NRG3: variants seen among roughly 807,000 people sequenced by gnomAD.
NRG3 encodes neuregulin 3.
A neutral mutation model predicts 66.9 loss-of-function variants in NRG3; 31 were observed. That is an observed-to-expected ratio of 0.46 (90% CI 0.35 to 0.63). NRG3 has a LOEUF of 0.63. Ranked by LOEUF, NRG3 falls within the 20% of genes least tolerant of loss-of-function variation. The probability of loss-of-function intolerance (pLI) is 0.00; values close to 1 mark genes in which losing one functional copy is unlikely to be tolerated. For missense variants in NRG3, 910 were observed against 878.9 expected (o/e 1.04, Z -0.45); for synonymous variants, 393 against 359.4 (o/e 1.09, Z -1.06).
intron 1 of NRG3, among the ~76,000 whole-genome samples, chr10:82,234,443 G>C (rs565691342): frequency 6.6e-6 from 1 of 152,210 alleles, no homozygotes; most frequent in East Asian, 1.9e-4. Context: ...CTTATTTTGT[G>C]TTTTGTCATC....
Position 82,972,525 on chromosome 10 carries a change from T to C in NRG3, c.1285-1263T>C, listed in dbSNP as rs139268493. Among the ~76,000 whole-genome samples the C allele has an allele frequency of 2.0e-5, 3 of 152,304 alleles. No homozygotes were observed. The East Asian group carries it at 5.8e-4, about 29-fold the overall frequency. The stretch of plus-strand genomic sequence containing the variant: ...TTAGAACTATTTCTTTCTCCATTTC[T>C]TACTTCATAAGTCATCTTTAGAATC... On this transcript the variant is annotated intron_variant, in intron 6 of 8. Transcript: ENST00000372141.
At chr10:82,206,340 G>T (rs2075114256) in intron 1 of NRG3, among the ~76,000 whole-genome samples, 1 of 152,116 alleles carries the variant, frequency 6.6e-6, no homozygotes, top group Non-Finnish European at 1.5e-5. Flanking sequence ...CGTTCTCATT[G>T]GTTTAATAGC....
intron 3 of NRG3, among the ~76,000 whole-genome samples, chr10:82,818,374 G>A (rs1458803644): frequency 1.3e-5 from 2 of 152,150 alleles, no homozygotes; most frequent in Non-Finnish European, 2.9e-5. Flanking sequence ...GTGGAAGAGG[G>A]CAACTAACTT....
At chr10:82,841,839 A>G (rs1344935813) in intron 3 of NRG3, among the ~76,000 whole-genome samples, 1 of 152,214 alleles carries the variant, frequency 6.6e-6, no homozygotes, top group Non-Finnish European at 1.5e-5. Flanking sequence ...AAAGTAAATC[A>G]ACATTTTTGC....
chr10:82,863,633 G>A (rs528886707), intron 3 of NRG3, among the ~76,000 whole-genome samples: 4 of 152,106 alleles, frequency 2.6e-5, no homozygotes, highest in Admixed American at 2.0e-4. Flanking sequence ...TTTTTCATAT[G>A]TTTTTTGGTG....
chr10:81,956,849 G>C (rs1411216727), intron 1 of NRG3, among the ~76,000 whole-genome samples: 1 of 152,006 alleles, frequency 6.6e-6, no homozygotes, highest in Non-Finnish European at 1.5e-5. Context: ...TGTGCTACCT[G>C]GTGTCTTTTT....
At chr10:82,326,781 T>C in intron 1 of NRG3, among the ~76,000 whole-genome samples, 1 of 152,198 alleles carries the variant, frequency 6.6e-6, no homozygotes, top group East Asian at 1.9e-4. Context: ...AAAGTCTTAG[T>C]CCATGATACT....
intron 2 of NRG3, among the ~76,000 whole-genome samples, chr10:82,508,508 A>G (rs984132854): frequency 4.6e-5 from 7 of 152,186 alleles, no homozygotes; most frequent in African/African-American, 1.7e-4. Context: ...TCAATATCCA[A>G]AATAATAACT....
In NRG3 at chr10:82,292,050, G is replaced by C. The variant is rs561080330; in HGVS notation, c.824-66689G>C. ...ATGAAAAAACAAAGTAAAGACTGGG[G>C]GAAAATATTTGCAAACCACATATCT... On this transcript the variant is annotated intron_variant, in intron 1 of 8. Transcript: ENST00000372141. 5.9e-5 allele frequency among the ~76,000 whole-genome samples: 9 copies of C among 152,024 alleles called. No homozygotes were observed. In the East Asian group the frequency reaches 1.7e-3, roughly 30 times the overall value.
chr10:82,252,644 G>A (rs1044113986), intron 1 of NRG3, among the ~76,000 whole-genome samples: 1 of 151,988 alleles, frequency 6.6e-6, no homozygotes, highest in African/African-American at 2.4e-5. Flanking sequence ...TATTTCCAAA[G>A]TATGGTGGTA....
chr10:82,793,944 T>C (rs1188709803), intron 3 of NRG3, among the ~76,000 whole-genome samples: 2 of 152,200 alleles, frequency 1.3e-5, no homozygotes, highest in Admixed American at 6.5e-5. Context: ...TACCAAATTC[T>C]CTTTCACTTA....
At chr10:82,937,986 G>A (rs187927905) in intron 4 of NRG3, among the ~76,000 whole-genome samples, 18 of 152,158 alleles carry the variant, frequency 1.2e-4, no homozygotes, top group East Asian at 1.2e-3. Flanking sequence ...AAGACTTAGC[G>A]CCAAAACAAT....
intron 1 of NRG3, among the ~76,000 whole-genome samples, chr10:82,271,469 G>GA (rs1439659446): frequency 6.6e-6 from 1 of 152,106 alleles, no homozygotes; most frequent in Admixed American, 6.6e-5. Flanking sequence ...TTGTTCTTAT[G>GA]AATGTTGTAT....
intron 3 of NRG3, among the ~76,000 whole-genome samples, chr10:82,783,727 A>T (rs1309400303): frequency 6.6e-6 from 1 of 152,200 alleles, no homozygotes; most frequent in Admixed American, 6.5e-5. Context: ...CAAATGGAAG[A>T]ACATTCCATG....
In NRG3 at chr10:82,897,481, T is replaced by A. The variant is rs137930514; in HGVS notation, c.1054+32044T>A. Among the ~76,000 whole-genome samples, 458 of 152,324 alleles carry A rather than the reference T, an allele frequency of 3.0e-3. 3 individuals carry two copies. The highest frequency in any genetic ancestry group is 0.011 in the African/African-American group (442 of 41,582). ...TCTTTTTTTTTCTGATCTTGATTTCTTGAATGCATAGTGCTTTTAAAGAAC... is the reference window on the plus strand; with the variant it reads ...TCTTTTTTTTTCTGATCTTGATTTCATGAATGCATAGTGCTTTTAAAGAAC... On this transcript the variant is annotated intron_variant, in intron 4 of 8. Transcript: ENST00000372141.
chr10:81,942,506 A>G (rs1210619611), intron 1 of NRG3, among the ~76,000 whole-genome samples: 2 of 152,158 alleles, frequency 1.3e-5, no homozygotes, highest in African/African-American at 4.8e-5. Flanking sequence ...ACTACACAAG[A>G]TCTATATCAG....
At chr10:82,689,090 A>G (rs1173168121) in intron 2 of NRG3, among the ~76,000 whole-genome samples, 1 of 152,162 alleles carries the variant, frequency 6.6e-6, no homozygotes, top group African/African-American at 2.4e-5. Flanking sequence ...TATTTTTCAA[A>G]GTAAAGGAAA....
intron 1 of NRG3, among the ~76,000 whole-genome samples, chr10:82,222,156 A>G (rs920622471): frequency 6.6e-6 from 1 of 152,038 alleles, no homozygotes. Flanking sequence ...GTCAAGTAAT[A>G]CCTTATGGTA....
chr10:82,362,546 GGGTTTTT>G (rs760706853), intron 2 of NRG3, among the ~76,000 whole-genome samples: 6 of 91,286 alleles, frequency 6.6e-5, no homozygotes, highest in Non-Finnish European at 9.2e-5. Flanking sequence ...GATAATTTCT[GGGTTTTT>G]TTTTTTTTTT....
Sources: gnomAD v4.1 joint callset for allele counts (sites outside exome capture counted in the v4.1 genomes callset) on GRCh38, gnomAD v4.1.1 for gene constraint, MANE v1.5 for transcripts, NCBI Gene and HGNC (gene_info 2026-07-23, HGNC 2026-07-21) for gene names.